BRAF: variants seen among roughly 807,000 people sequenced by gnomAD.
BRAF encodes the protein B-Raf proto-oncogene, serine/threonine kinase, also known as serine/threonine-protein kinase B-raf.
Under a neutral mutation model 104.6 loss-of-function variants are expected in BRAF, and 16 were observed. That is an observed-to-expected ratio of 0.15 (90% CI 0.10 to 0.23). The LOEUF is 0.23. BRAF is among the 10% of genes least tolerant of loss of function. The probability of loss-of-function intolerance (pLI) is 1.00; values close to 1 mark genes in which losing one functional copy is unlikely to be tolerated. For missense variants in BRAF, 541 were observed against 937.3 expected (o/e 0.58, Z 5.52); for synonymous variants, 310 against 341.6 (o/e 0.91, Z 1.02).
intron 1 of BRAF, among the ~76,000 whole-genome samples, chr7:140,904,181 A>G (rs566236854): frequency 6.6e-6 from 1 of 152,326 alleles, no homozygotes; most frequent in South Asian, 2.1e-4. Flanking sequence ...TTTTGTGAAA[A>G]GAAGTCAACT....
At chr7:140,919,593 G>A (rs553639590) in intron 1 of BRAF, among the ~76,000 whole-genome samples, 1 of 152,076 alleles carries the variant, frequency 6.6e-6, no homozygotes, top group African/African-American at 2.4e-5. Context: ...TGCTAATTAA[G>A]TATGTTAGTG....
chr7:140,832,786 A>C (rs1586332275), intron 3 of BRAF, among the ~76,000 whole-genome samples: 1 of 150,644 alleles, frequency 6.6e-6, no homozygotes, highest in Admixed American at 6.6e-5. Flanking sequence ...AGTTGTTTTT[A>C]TTTCTTTTTA....
At chr7:140,759,831 C>T (rs561317985) in intron 14 of BRAF, among the ~76,000 whole-genome samples, 4 of 152,236 alleles carry the variant, frequency 2.6e-5, no homozygotes, top group Admixed American at 6.5e-5. Flanking sequence ...AATATGGACA[C>T]GAATCATTTG....
chr7:140,908,858 G>A (rs1030951265), intron 1 of BRAF, among the ~76,000 whole-genome samples: 1 of 136,068 alleles, frequency 7.3e-6, no homozygotes, highest in African/African-American at 2.5e-5. Flanking sequence ...AGCCCAACTT[G>A]TACAGATTGG....
At position 140,725,964 on chromosome 7, in the gene BRAF, T is replaced by C. The variant is rs552079894; in HGVS notation, c.*530A>G. On this transcript the variant is annotated 3_prime_UTR_variant, in exon 20 of 20. Transcript: ENST00000644969. ...TGTCAAGGCCTGAACACGCACCACA[T>C]AGAAAGGGCAAGCTGCATTTTTGTT... 7.3e-5 allele frequency: 78 copies of C among 1,065,960 alleles called. No homozygotes were observed. The African/African-American group carries it at 1.2e-3, about 16-fold the overall frequency. 66.0% of individuals were successfully genotyped at this position (1,065,960 alleles called of 1,614,324 possible).
chr7:140,776,832 A>C (rs978315054), intron 14 of BRAF, 80 bp downstream of exon 13: 2 of 1,393,096 alleles, frequency 1.4e-6, no homozygotes, highest in African/African-American at 2.8e-5. Context: ...GCAATCCAAA[A>C]GAATAGCAGC....
At chr7:140,900,938 C>T (rs957803820) in intron 1 of BRAF, among the ~76,000 whole-genome samples, 7 of 152,144 alleles carry the variant, frequency 4.6e-5, no homozygotes, top group African/African-American at 1.2e-4. Context: ...GTCCCTCAGA[C>T]GCTCCACAGG....
chr7:140,920,964 T>C (rs1472864563), intron 1 of BRAF, among the ~76,000 whole-genome samples: 1 of 152,224 alleles, frequency 6.6e-6, no homozygotes, highest in African/African-American at 2.4e-5. Flanking sequence ...CAACCTGGTG[T>C]GGCTTGCAAA....
chr7:140,800,638 A>G (rs1258645476), intron 6 of BRAF, among the ~76,000 whole-genome samples, 157 bp from the exon 7 acceptor site: 2 of 152,200 alleles, frequency 1.3e-5, no homozygotes, highest in Non-Finnish European at 2.9e-5. Flanking sequence ...GCTTATTTTA[A>G]AAAAAATTGT....
downstream of BRAF, among the ~76,000 whole-genome samples, chr7:140,718,453 T>C (rs907725444): frequency 6.6e-6 from 1 of 152,244 alleles, no homozygotes; most frequent in Non-Finnish European, 1.5e-5. Flanking sequence ...TTTCTCCATG[T>C]TGGTCAGGCT....
chr7:140,808,731 G>A (rs1433308360), intron 4 of BRAF, among the ~76,000 whole-genome samples, 161 bp downstream of exon 4: 9 of 151,954 alleles, frequency 5.9e-5, no homozygotes, highest in Non-Finnish European at 2.9e-5. Flanking sequence ...CTCCTCATAT[G>A]GCCTACAGTA....
At chr7:140,836,042 A>G (rs1807300301) in intron 2 of BRAF, 1 of 152,194 alleles carries the variant, frequency 6.6e-6, no homozygotes, top group Admixed American at 6.5e-5. Flanking sequence ...GTTGGCATTT[A>G]GATGGATGAA....
At chr7:140,726,922 G>C (rs1221185588) in intron 19 of BRAF, among the ~76,000 whole-genome samples, 2 of 152,190 alleles carry the variant, frequency 1.3e-5, no homozygotes, top group African/African-American at 2.4e-5. Flanking sequence ...ATTAGGAAGA[G>C]AGAGGCAGTA....
intron 1 of BRAF, among the ~76,000 whole-genome samples, chr7:140,873,166 CT>C (rs1165344332): frequency 0.021 from 2,042 of 99,158 alleles, 17 homozygotes; most frequent in African/African-American, 0.068. Flanking sequence ...CAGTCTGTGG[CT>C]TTTTTTTTTT....
chr7:140,893,252 C>CTTT (rs1212458745), intron 1 of BRAF, among the ~76,000 whole-genome samples: 1 of 141,726 alleles, frequency 7.1e-6, no homozygotes, highest in African/African-American at 2.6e-5. Context: ...CCATAACATT[C>CTTT]TTTTTTTTTT....
intron 7 of BRAF, among the ~76,000 whole-genome samples, chr7:140,795,009 T>C (rs1421261410): frequency 6.6e-6 from 1 of 152,180 alleles, no homozygotes; most frequent in Admixed American, 6.5e-5. Flanking sequence ...CAGAAGATGA[T>C]CCTCAGAGTG....
chr7:140,816,574 T>C (rs771164396), intron 3 of BRAF, among the ~76,000 whole-genome samples: 1 of 152,164 alleles, frequency 6.6e-6, no homozygotes, highest in Non-Finnish European at 1.5e-5. Context: ...CCCTATCTTT[T>C]CCCTTTGCCA....
rs1004435591 is a variant in BRAF, at chr7:140,725,370, T to C, written c.*1124A>G. On this transcript the variant is annotated 3_prime_UTR_variant, in exon 20 of 20. Transcript: ENST00000644969. ...AAAGGATAATGATCTTTCTTAAAAG[T>C]TGTTTATATAACAAAAATACAATTT... The C allele has an allele frequency of 1.0e-6, 1 of 979,238 alleles. No homozygotes were observed. Among genetic ancestry groups the C allele is most frequent in the Non-Finnish European group, 1.2e-6 (1 of 807,902 alleles). 60.7% of individuals were successfully genotyped at this position (979,238 alleles called of 1,614,324 possible).
At chr7:140,807,760 T>C (rs1211977827) in intron 5 of BRAF, among the ~76,000 whole-genome samples, 200 bp downstream of exon 5, 3 of 152,136 alleles carry the variant, frequency 2.0e-5, no homozygotes, top group South Asian at 2.1e-4. Flanking sequence ...ATTTTACTTT[T>C]TTAAATTAAA....
Sources: gnomAD v4.1 joint callset for allele counts (sites outside exome capture counted in the v4.1 genomes callset) on GRCh38, gnomAD v4.1.1 for gene constraint, MANE v1.5 for transcripts, NCBI Gene and HGNC (gene_info 2026-07-23, HGNC 2026-07-21) for gene names.